The following NCOR1 variants were observed in gnomAD, a reference collection of about 807,000 sequenced individuals.
NCOR1 encodes nuclear receptor corepressor 1, also known as protein phosphatase 1, regulatory subunit 109.
A neutral mutation model predicts 288.1 loss-of-function variants in NCOR1; 63 were observed. The observed-to-expected ratio is 0.22, with a 90% CI of 0.18 to 0.27. The LOEUF (loss-of-function observed/expected upper bound fraction) is 0.27. Among genes scored for constraint, NCOR1 ranks in the 10% least tolerant of loss-of-function variants. The pLI is 1.00. For missense variants in NCOR1, 2,397 were observed against 3,019.2 expected, an observed-to-expected ratio of 0.79 and a Z score of 4.83; for synonymous variants, 1,007 against 1,065.9, an observed-to-expected ratio of 0.94 and a Z score of 1.08.
intron 9 of NCOR1, among the ~76,000 whole-genome samples, chr17:16,148,683 A>C (rs1192412804): frequency 2.0e-5 from 3 of 149,608 alleles, no homozygotes; most frequent in African/African-American, 7.3e-5. Flanking sequence ...AAAAAAAAAA[A>C]AAAAAAACAA....
intron 45 of NCOR1, among the ~76,000 whole-genome samples, chr17:16,033,989 C>T (rs1404856003): frequency 6.6e-6 from 1 of 152,130 alleles, no homozygotes; most frequent in Non-Finnish European, 1.5e-5. Flanking sequence ...AGCCACCGCG[C>T]CCAGCTAGAT....
At position 16,101,487 on chromosome 17, in the gene NCOR1, T is replaced by G. The variant is rs543975969; in HGVS notation, c.2453A>C (p.Lys818Thr). Reference sequence around the variant, plus strand: ...CACTTCAACGTCCACAGAGTCAGCTTTGGTAGCGGGTGGGGGATCACAAAC... The same window carrying G: ...CACTTCAACGTCCACAGAGTCAGCTGTGGTAGCGGGTGGGGGATCACAAAC... The part of the protein sequence containing the change: ...GSVCDPPPAT[K>T]ADSVDVEVRV... The change falls in exon 20 of 46, where the codon AAA (lysine) becomes ACA (threonine). Residue 818 changes from lysine (K) to threonine (T), a missense_variant. Coordinates refer to ENST00000268712, the MANE Select transcript of NCOR1 (RefSeq NM_006311.4). 2 of 1,614,188 alleles carry G rather than the reference T, an allele frequency of 1.2e-6. No individual in the cohort carries two copies. The highest frequency in any genetic ancestry group is 1.7e-6 in the Non-Finnish European group (2 of 1,180,024).
Position 16,126,294 on chromosome 17 carries a change from T to A in NCOR1, c.1510-88A>T. 3 of 1,301,942 alleles carry A rather than the reference T, an allele frequency of 2.3e-6. No homozygotes were observed. In the African/African-American group the frequency reaches 4.6e-5, roughly 20 times the overall value. The allele number at this position is 1,301,942 out of a possible 1,614,324, so 80.6% of individuals were successfully genotyped here. A position where few individuals can be genotyped will look rare whatever the true frequency, so the allele number is the denominator to read the frequency against. ...GATAAATTATGTCTATCTAAAAAAA[T>A]TTTAAATGATTGTTAGTCATTTACA... On this transcript the variant is annotated intron_variant, in intron 14 of 45. Coordinates refer to ENST00000268712, the MANE Select transcript of NCOR1 (RefSeq NM_006311.4).
chr17:16,189,163 G>GT (rs36022788), intron 2 of NCOR1, among the ~76,000 whole-genome samples: 63,529 of 152,046 alleles, frequency 0.42, 15,133 homozygotes, highest in Middle Eastern at 0.55. Context: ...GGAGGCCAAG[G>GT]TGGGAGGGTT....
chr17:16,094,740 T>C (rs1157776211), intron 21 of NCOR1, among the ~76,000 whole-genome samples: 1 of 152,174 alleles, frequency 6.6e-6, no homozygotes, highest in African/African-American at 2.4e-5. Flanking sequence ...GGTTTTCGTA[T>C]TTTTTTGGTG....
chr17:16,045,018 A>C, intron 42 of NCOR1: 6 of 442,768 alleles, frequency 1.4e-5, no homozygotes, highest in Non-Finnish European at 2.5e-5. Flanking sequence ...AAAAAGAATA[A>C]ACCAGACTAT....
At chr17:16,120,613 G>T (rs1014024432) in intron 16 of NCOR1, among the ~76,000 whole-genome samples, 28 of 151,982 alleles carry the variant, frequency 1.8e-4, no homozygotes, top group Non-Finnish European at 2.5e-4. Flanking sequence ...CCTTGCCTAA[G>T]AATTTATTCC....
chr17:16,095,370 A>C (rs2066267883), intron 21 of NCOR1, among the ~76,000 whole-genome samples: 2 of 149,244 alleles, frequency 1.3e-5, no homozygotes, highest in Admixed American at 6.6e-5. Flanking sequence ...TCCGCCCGGC[A>C]GCCACCCCGC....
At chr17:16,094,497 G>A (rs1699644087) in intron 21 of NCOR1, among the ~76,000 whole-genome samples, 1 of 152,182 alleles carries the variant, frequency 6.6e-6, no homozygotes. Flanking sequence ...GTCATTTTCT[G>A]GTGCCTAAAG....
In NCOR1 at chr17:16,204,799, G is replaced by C. The variant is rs571053030; in HGVS notation, c.-70-10160C>G. Among the ~76,000 whole-genome samples, 423 of 152,352 alleles carry C rather than the reference G, an allele frequency of 2.8e-3. 6 individuals are homozygous for C. The highest frequency in any genetic ancestry group is 9.6e-3 in the African/African-American group (399 of 41,590). On this transcript the variant is annotated intron_variant, in intron 1 of 45. Coordinates refer to ENST00000268712, the MANE Select transcript of NCOR1 (RefSeq NM_006311.4). ...ACATTATCTCCATTTTACAAATAAG[G>C]AAATTAAGGTGTACAGAGATTAAAT...
chr17:16,215,275 C>T (rs1299456860), intron 1 of NCOR1, 87 bp downstream of exon 1: 2 of 389,028 alleles, frequency 5.1e-6, no homozygotes, highest in African/African-American at 2.1e-5. Flanking sequence ...GAAACCGTCC[C>T]AGCGGCTGCT....
At chr17:16,213,677 A>T (rs964368059) in intron 1 of NCOR1, among the ~76,000 whole-genome samples, 6 of 152,074 alleles carry the variant, frequency 3.9e-5, no homozygotes, top group African/African-American at 1.4e-4. Context: ...CAATCTGTTT[A>T]AAACAATTTT....
chr17:16,136,313 G>A (rs999407254), intron 14 of NCOR1, among the ~76,000 whole-genome samples: 1 of 152,042 alleles, frequency 6.6e-6, no homozygotes, highest in African/African-American at 2.4e-5. Context: ...AGCCTCCCAT[G>A]TATCTAGGAC....
Position 16,039,672 on chromosome 17 carries a change from A to C in NCOR1, c.6734-18T>G. On this transcript the variant is annotated intron_variant, in intron 43 of 45. Transcript: ENST00000268712. ...AACTGAGCCTGAAAGAGAATCAAAA[A>C]CATTTCCACTTATTTCTGAAAGGCC... 6.2e-7 allele frequency: 1 copy of C among 1,601,204 alleles called. No individual in the cohort carries two copies. Among genetic ancestry groups the C allele is most frequent in the Non-Finnish European group, 8.5e-7 (1 of 1,171,636 alleles).
chr17:16,032,586 T>G (rs1296586195), intron 45 of NCOR1, 103 bp from the exon 46 acceptor site: 1 of 1,141,846 alleles, frequency 8.8e-7, no homozygotes, highest in Non-Finnish European at 1.2e-6. Context: ...TGTAAAATGG[T>G]CATGTGACAC....
chr17:16,175,138 A>G (rs1021583586), intron 3 of NCOR1, among the ~76,000 whole-genome samples: 9 of 149,830 alleles, frequency 6.0e-5, no homozygotes, highest in Admixed American at 1.3e-4. Flanking sequence ...GAGGCCGAGT[A>G]AGTGCATCAC....
rs76555909 is a variant in NCOR1, at chr17:16,058,511, C to T, written c.5970G>A (p.Gln1990=). ...CCTTAACAACCTCTGGCTGATAGGT[C>T]TGCAGTTTCTCCTGGGGTGGCGCAG... ...SSPAPPQEKL[Q]TYQPEVVKAN... Residue 1990 remains glutamine, a synonymous_variant, in exon 38 of 46, where the codon CAG becomes CAA. Coordinates refer to ENST00000268712, the MANE Select transcript of NCOR1 (RefSeq NM_006311.4). 1,510 of 1,614,128 alleles carry T rather than the reference C, an allele frequency of 9.4e-4. 16 individuals carry two copies. In the African/African-American group the frequency reaches 0.018, roughly 19 times the overall value.
rs375444167 is a variant in NCOR1 at position 16,058,430 on chromosome 17, C to G, written c.6010+41G>C. 1.3e-4 allele frequency: 203 copies of G among 1,601,142 alleles called. 4 individuals carry two copies. The South Asian group carries it at 2.2e-3, about 18-fold the overall frequency. ...GATAATTAGAAGCAAATGATAAATG[C>G]AAATATGAAAACATGTAAATGGTAG... On this transcript the variant is annotated intron_variant, in intron 38 of 45. Transcript: ENST00000268712.
rs1265269213 is a variant in NCOR1, at chr17:16,032,024, C to T, written c.*272G>A. 2 of 412,956 alleles carry T rather than the reference C, an allele frequency of 4.8e-6. No individual in the cohort carries two copies. The highest frequency in any genetic ancestry group is 4.2e-5 in the African/African-American group (2 of 48,080). 25.6% of individuals were successfully genotyped at this position (412,956 alleles called of 1,614,324 possible). A position where few individuals can be genotyped will look rare whatever the true frequency, so the allele number is the denominator to read the frequency against. ...TTCTTTACAGATGTAAGAACAGCAA[C>T]TGTTCACTTTTTAAAAACTCTACAT... On this transcript the variant is annotated 3_prime_UTR_variant, in exon 46 of 46. Transcript: ENST00000268712.
Sources: gnomAD v4.1 joint callset for allele counts (sites outside exome capture counted in the v4.1 genomes callset) on GRCh38, gnomAD v4.1.1 for gene constraint, MANE v1.5 for transcripts, NCBI Gene and HGNC (gene_info 2026-07-23, HGNC 2026-07-21) for gene names.